The following PGR variants were observed in gnomAD, a reference collection of about 807,000 sequenced individuals.
PGR encodes progesterone receptor, also known as nuclear receptor subfamily 3 group C member 3.
PGR carries 25 observed loss-of-function variants against 76.1 expected under a neutral mutation model. The observed-to-expected ratio is 0.33, with a 90% CI of 0.24 to 0.46. The LOEUF (loss-of-function observed/expected upper bound fraction) is 0.46, where lower values mean the gene tolerates loss of function less well. Among genes scored for constraint, PGR ranks in the 20% least tolerant of loss-of-function variants. The probability of loss-of-function intolerance (pLI) is 1.00; values close to 1 mark genes in which losing one functional copy is unlikely to be tolerated. For missense variants in PGR, 1,172 were observed against 1,225.3 expected, an observed-to-expected ratio of 0.96 and a Z score of 0.65; for synonymous variants, 579 against 535.0, an observed-to-expected ratio of 1.08 and a Z score of -1.14.
Position 101,062,634 on chromosome 11 carries a change from A to G in PGR, c.2025T>C (p.Phe675=). 6.2e-7 allele frequency: 1 copy of G among 1,614,082 alleles called. No homozygotes were observed. The highest frequency in any genetic ancestry group is 8.5e-7 in the Non-Finnish European group (1 of 1,179,952). Residue 675 remains phenylalanine (F), a synonymous_variant, in exon 4 of 8, where the codon TTT becomes TTC. Coordinates refer to ENST00000325455, the MANE Select transcript of PGR (RefSeq NM_000926.4). ...TCAACTGTATGTCTTGACCTGGTGA[A>G]AAAGTGAATCTCTGGCTTAGGGCTT... ...ESQALSQRFT[F]SPGQDIQLIP...
At chr11:101,082,458 A>G (rs2135441798) in intron 3 of PGR, among the ~76,000 whole-genome samples, 1 of 152,266 alleles carries the variant, frequency 6.6e-6, no homozygotes, top group Admixed American at 6.5e-5. Flanking sequence ...AAGATATGGG[A>G]ATGTTTGGAA....
intron 3 of PGR, among the ~76,000 whole-genome samples, chr11:101,071,750 A>T (rs1274465025): frequency 1.3e-5 from 2 of 152,046 alleles, no homozygotes; most frequent in Non-Finnish European, 2.9e-5. Context: ...CAACTGAATG[A>T]AATAAAGCAT....
intron 3 of PGR, among the ~76,000 whole-genome samples, chr11:101,079,999 G>C (rs1475597644): frequency 6.6e-6 from 1 of 152,136 alleles, no homozygotes; most frequent in Non-Finnish European, 1.5e-5. Context: ...CCAAGCTTCA[G>C]GTCTGTGTAC....
In PGR at chr11:101,127,818, G is replaced by A; in HGVS notation, c.1253C>T (p.Pro418Leu). 1 of 1,574,016 alleles carries A rather than the reference G, an allele frequency of 6.4e-7. No homozygotes were observed. Among genetic ancestry groups the A allele is most frequent in the Non-Finnish European group, 8.6e-7 (1 of 1,167,638 alleles). The change falls in exon 1 of 8, where the codon CCG becomes CTG. Residue 418 changes from proline (P) to leucine (L), a missense_variant. Physicochemically the swap from Pro to Leu is moderately conservative, Grantham distance 98 (BLOSUM62 -3). This residue lies in a region of PGR where 893 missense variants were observed against 785.9 expected (regional missense o/e 1.14). Coordinates refer to ENST00000325455, the MANE Select transcript of PGR (RefSeq NM_000926.4). Reference sequence around the variant, plus strand: ...CGGCAGCGGGGGCGGTGGCCCCAACGGGAAATCCGGGAAGGCTGCGGGGTT... The same window carrying A: ...CGGCAGCGGGGGCGGTGGCCCCAACAGGAAATCCGGGAAGGCTGCGGGGTT... Reference protein sequence around the residue: ...GANPAAFPDFPLGPPPPLPPR... With the variant: ...GANPAAFPDFLLGPPPPLPPR...
intron 6 of PGR, among the ~76,000 whole-genome samples, chr11:101,047,977 T>C (rs1452851474): frequency 2.0e-5 from 3 of 152,180 alleles, no homozygotes; most frequent in Non-Finnish European, 2.9e-5. Flanking sequence ...TTTCCCAGCT[T>C]TTCCTGCAGC....
rs554834329 is a variant in PGR, at chr11:101,042,252, A to T, written c.2489-150T>A. On this transcript the variant is annotated intron_variant, in intron 6 of 7. Transcript: ENST00000325455. ...ATATAGGAAAGAGATAGTGTTATTG[A>T]TATCACTATCAATATCAGGACATAT... 2.6e-4 allele frequency: 183 copies of T among 697,710 alleles called. 2 individuals are homozygous for T. In the East Asian group the frequency reaches 4.5e-3, roughly 17 times the overall value. The allele number at this position is 697,710 out of a possible 1,614,324, so 43.2% of individuals were successfully genotyped here.
Position 101,120,867 on chromosome 11 carries a change from C to T in PGR, c.1789+5140G>A, listed in dbSNP as rs139359530. On this transcript the variant is annotated intron_variant, in intron 2 of 7. Transcript: ENST00000325455. ...TGGCCAGAACAGGAGCAGTTATTAG[C>T]ACTAGCACGCATGGCTAATACCACT... Among the ~76,000 whole-genome samples the T allele has an allele frequency of 5.4e-4, 82 of 152,276 alleles. 1 individual carries two copies. The highest frequency in any genetic ancestry group is 1.0e-3 in the Non-Finnish European group (71 of 68,016).
chr11:101,089,206 G>C (rs573949979), intron 3 of PGR, among the ~76,000 whole-genome samples: 1 of 151,498 alleles, frequency 6.6e-6, no homozygotes, highest in Non-Finnish European at 1.5e-5. Context: ...ATAGAGCTGC[G>C]ATAGCTGGAA....
intron 6 of PGR, 77 bp downstream of exon 6, chr11:101,049,852 A>G (rs1860029270): frequency 1.7e-6 from 2 of 1,176,124 alleles, no homozygotes; most frequent in South Asian, 2.5e-5. Context: ...ACATAACTAT[A>G]TAATCATATT....
chr11:101,031,347 C>T lies in PGR; in HGVS notation c.*7769G>A. On this transcript the variant is annotated 3_prime_UTR_variant, in exon 8 of 8. Transcript: ENST00000325455. ...CCTGGAGAAAGAAACCTCCTTCCCA[C>T]AGCTACCATGTACATACAGTAAGCT... 4.5e-6 allele frequency: 1 copy of T among 223,296 alleles called. No homozygotes were observed. Among genetic ancestry groups the T allele is most frequent in the Non-Finnish European group, 8.9e-6 (1 of 111,806 alleles). The allele number at this position is 223,296 out of a possible 1,614,324, so 13.8% of individuals were successfully genotyped here.
At position 101,051,531 on chromosome 11, in the gene PGR, G is replaced by A. The variant is rs374287878; in HGVS notation, c.2250C>T (p.Leu750=). 1 of 1,609,468 alleles carries A rather than the reference G, an allele frequency of 6.2e-7. No homozygotes were observed. The highest frequency in any genetic ancestry group is 8.5e-7 in the Non-Finnish European group (1 of 1,176,140). Residue 750 remains leucine, a synonymous_variant, in exon 5 of 8, where the codon CTC becomes CTT. Transcript: ENST00000325455. ...TTAAGCTCATCCAAGAATACTGAAT[G>A]AGAGTTATCTGGTCATCAATATGTA... ...RNLHIDDQIT[L]IQYSWMSLMV... is the part of the protein sequence containing the mutation.
At chr11:101,044,308 A>T (rs759444902) in intron 6 of PGR, among the ~76,000 whole-genome samples, 1 of 152,114 alleles carries the variant, frequency 6.6e-6, no homozygotes, top group African/African-American at 2.4e-5. Flanking sequence ...GCTAGCTTCA[A>T]ACTTTTTTCT....
intron 2 of PGR, among the ~76,000 whole-genome samples, chr11:101,109,682 T>C (rs936852433): frequency 3.9e-5 from 6 of 152,232 alleles, no homozygotes; most frequent in African/African-American, 1.4e-4. Flanking sequence ...CAAGTGCTGA[T>C]GTAGAAGCTG....
intron 2 of PGR, among the ~76,000 whole-genome samples, chr11:101,117,198 TATTC>T (rs1384283035): frequency 2.6e-5 from 4 of 152,182 alleles, no homozygotes; most frequent in African/African-American, 7.2e-5. Flanking sequence ...CATTATTTGT[TATTC>T]ATTATTATTC....
intron 6 of PGR, among the ~76,000 whole-genome samples, chr11:101,046,046 T>C (rs978840783): frequency 5.3e-5 from 8 of 151,982 alleles, no homozygotes; most frequent in South Asian, 2.1e-4. Context: ...AACATGAATG[T>C]AAAATCATTT....
chr11:101,070,324 A>T (rs1444056047), intron 3 of PGR, among the ~76,000 whole-genome samples: 1 of 152,126 alleles, frequency 6.6e-6, no homozygotes, highest in Non-Finnish European at 1.5e-5. Context: ...GGTCTTTGCA[A>T]CCCACAGACC....
rs1317549315 is a variant in PGR, at chr11:101,034,985, G to T, written c.*4131C>A. 5.1e-6 allele frequency: 1 copy of T among 194,984 alleles called. No individual in the cohort carries two copies. Among genetic ancestry groups the T allele is most frequent in the East Asian group, 8.1e-5 (1 of 12,394 alleles). 12.1% of individuals were successfully genotyped at this position (194,984 alleles called of 1,614,324 possible). A position where few individuals can be genotyped will look rare whatever the true frequency, so the allele number is the denominator to read the frequency against. On this transcript the variant is annotated 3_prime_UTR_variant, in exon 8 of 8. Transcript: ENST00000325455. ...TAGGTGATGTTCTTTTCATTAAAAT[G>T]ATTTCATGACTTAGTGAAGTAAGGA...
At chr11:101,074,106 C>T (rs75897942) in intron 3 of PGR, among the ~76,000 whole-genome samples, 1 of 152,138 alleles carries the variant, frequency 6.6e-6, no homozygotes, top group Non-Finnish European at 1.5e-5. Context: ...AATCCAGCAG[C>T]ACATCAAAAA....
Position 101,035,962 on chromosome 11 carries a change from C to A in PGR, c.*3154G>T, listed in dbSNP as rs75609876. On this transcript the variant is annotated 3_prime_UTR_variant, in exon 8 of 8. Transcript: ENST00000325455. The stretch of plus-strand genomic sequence containing the variant: ...ATTACTATTTCTGAAGGCCTGTATA[C>A]GTTTTTTTTGGTTTCCATTTCTATT... The A allele has an allele frequency of 1.3e-5, 3 of 224,542 alleles. No homozygotes were observed. The highest frequency in any genetic ancestry group is 1.3e-4 in the East Asian group (2 of 15,410). 13.9% of individuals were successfully genotyped at this position (224,542 alleles called of 1,614,324 possible).
Sources: allele counts gnomAD v4.1 joint callset (sites outside exome capture counted in the v4.1 genomes callset), GRCh38; gene constraint gnomAD v4.1.1; regional missense constraint gnomAD v4.1.1; transcripts MANE v1.5; gene names NCBI Gene and HGNC (gene_info 2026-07-23, HGNC 2026-07-21).